GABRG1: variants seen among roughly 807,000 people sequenced by gnomAD.
GABRG1 encodes the protein gamma-aminobutyric acid receptor subunit gamma-1.
In GABRG1, 49 loss-of-function variants were observed where a neutral mutation model predicts 49.8. That is an observed-to-expected ratio of 0.98 (90% confidence interval 0.78 to 1.25). GABRG1 has a LOEUF of 1.25. Ranked by LOEUF, GABRG1 falls within the 50% of genes most tolerant of loss-of-function variation. The pLI, the probability that GABRG1 is intolerant of heterozygous loss-of-function variation, is 0.00. For synonymous variants in GABRG1, 232 were observed against 185.1 expected (o/e 1.25, Z -2.06); for missense variants, 552 against 552.3 (o/e 1.00, Z 0.01).
chr4:46,067,605 T>G (rs867425102), intron 3 of GABRG1, among the ~76,000 whole-genome samples: 2 of 152,218 alleles, frequency 1.3e-5, no homozygotes, highest in Non-Finnish European at 1.5e-5. Context: ...AGGGAGATAA[T>G]TAAAATTTTA....
At chr4:46,060,203 T>A (rs534881482) in intron 5 of GABRG1, among the ~76,000 whole-genome samples, 5 of 152,160 alleles carry the variant, frequency 3.3e-5, no homozygotes, top group Admixed American at 3.3e-4. Context: ...AAGAATCATC[T>A]CACCCTGTAT....
intron 1 of GABRG1, among the ~76,000 whole-genome samples, chr4:46,117,672 G>C (rs1367572375): frequency 2.2e-5 from 3 of 137,472 alleles, no homozygotes; most frequent in Non-Finnish European, 3.1e-5. Flanking sequence ...GTATATAGCT[G>C]TATATATATA....
chr4:46,099,472 T>C (rs1720302985), intron 1 of GABRG1, among the ~76,000 whole-genome samples: 1 of 151,782 alleles, frequency 6.6e-6, no homozygotes. Flanking sequence ...TGGAAGCCAC[T>C]GGGATTTGGA....
intron 8 of GABRG1, 54 bp downstream of exon 8, chr4:46,051,370 G>A: frequency 7.8e-7 from 1 of 1,284,898 alleles, no homozygotes; most frequent in Non-Finnish European, 1.1e-6. Context: ...ATTCAAAAGA[G>A]TATCTCTAAG....
intron 2 of GABRG1, among the ~76,000 whole-genome samples, chr4:46,092,130 G>A (rs1022599009): frequency 2.0e-5 from 3 of 151,912 alleles, no homozygotes; most frequent in Non-Finnish European, 4.4e-5. Context: ...ACTCCATTTC[G>A]AGAGACTTGC....
intron 2 of GABRG1, among the ~76,000 whole-genome samples, chr4:46,090,995 C>T (rs931699155): frequency 6.1e-5 from 9 of 148,042 alleles, no homozygotes; most frequent in Non-Finnish European, 9.0e-5. Context: ...CACACACACA[C>T]GGAATTTAAT....
At chr4:46,102,748 T>A (rs1048628603) in intron 1 of GABRG1, among the ~76,000 whole-genome samples, 5 of 151,662 alleles carry the variant, frequency 3.3e-5, no homozygotes, top group African/African-American at 1.2e-4. Context: ...GAAATTACTG[T>A]ATGTGGGAAA....
rs996331411 is a variant in GABRG1 at position 46,039,059 on chromosome 4, A to G, written c.*1929T>C. The G allele has an allele frequency of 2.6e-5, 4 of 151,728 alleles. No individual in the cohort carries two copies. Among genetic ancestry groups the G allele is most frequent in the Non-Finnish European group, 4.4e-5 (3 of 67,730 alleles). The allele number at this position is 151,728 out of a possible 1,614,324, so 9.4% of individuals were successfully genotyped here. A position where few individuals can be genotyped will look rare whatever the true frequency, so the allele number is the denominator to read the frequency against. On this transcript the variant is annotated 3_prime_UTR_variant, in exon 9 of 9. Coordinates refer to ENST00000295452, the MANE Select transcript of GABRG1 (RefSeq NM_173536.4). ...TCATGATAGTAAGCTATAGCTTCAA[A>G]CATGAAAATAGCCATACAATATTTT...
chr4:46,112,219 C>T (rs1720739018), intron 1 of GABRG1, among the ~76,000 whole-genome samples: 1 of 151,120 alleles, frequency 6.6e-6, no homozygotes, highest in African/African-American at 2.4e-5. Flanking sequence ...TAGAGGTGGC[C>T]AGCAAACATA....
At chr4:46,074,916 A>G (rs889851301) in intron 3 of GABRG1, among the ~76,000 whole-genome samples, 1 of 152,100 alleles carries the variant, frequency 6.6e-6, no homozygotes, top group African/African-American at 2.4e-5. Context: ...AAATTTTGTC[A>G]TAATTCTGAT....
At chr4:46,116,008 AG>A (rs1720873568) in intron 1 of GABRG1, among the ~76,000 whole-genome samples, 1 of 150,834 alleles carries the variant, frequency 6.6e-6, no homozygotes, top group South Asian at 2.1e-4. Flanking sequence ...AAATTTTTGT[AG>A]CTTTTTGATT....
chr4:46,065,747 G>A (rs1577643338), intron 3 of GABRG1, among the ~76,000 whole-genome samples, 163 bp from the exon 4 acceptor site: 1 of 152,016 alleles, frequency 6.6e-6, no homozygotes, highest in East Asian at 1.9e-4. Flanking sequence ...TTTTGAGACA[G>A]AGTCTCGCTC....
At chr4:46,042,124 T>C (rs1304133485) in intron 8 of GABRG1, among the ~76,000 whole-genome samples, 1 of 151,940 alleles carries the variant, frequency 6.6e-6, no homozygotes, top group Non-Finnish European at 1.5e-5. Flanking sequence ...TTAAATGGGA[T>C]GATGGATATA....
At chr4:46,047,351 C>A (rs1217178102) in intron 8 of GABRG1, among the ~76,000 whole-genome samples, 1 of 152,070 alleles carries the variant, frequency 6.6e-6, no homozygotes, top group Non-Finnish European at 1.5e-5. Context: ...TTGAAAACTG[C>A]AACTTTTTCT....
At position 46,058,615 on chromosome 4, in the gene GABRG1, G is replaced by A. The variant is rs568991486; in HGVS notation, c.633C>T (p.Tyr211=). 3 of 1,611,336 alleles carry A rather than the reference G, an allele frequency of 1.9e-6. No individual in the cohort carries two copies. In the African/African-American group the frequency reaches 4.0e-5, roughly 22 times the overall value. The change falls in exon 6 of 9, where the codon TAC becomes TAT. Residue 211 remains tyrosine, a synonymous_variant. Coordinates refer to ENST00000295452, the MANE Select transcript of GABRG1 (RefSeq NM_173536.4). The part of the protein sequence containing the change: ...SCPLEFSSYG[Y]PKNEIEYKWK... The stretch of plus-strand genomic sequence containing the variant: ...ACTTATACTCAATTTCATTTTTAGG[G>A]TATCCATCTATAGAGAAAAAATACA...
chr4:46,038,144 C>A lies in GABRG1; in HGVS notation c.*2844G>T, dbSNP rs1717603919. On this transcript the variant is annotated 3_prime_UTR_variant, in exon 9 of 9. Coordinates refer to ENST00000295452, the MANE Select transcript of GABRG1 (RefSeq NM_173536.4). ...CTAATTCCCACTTACATCAAGACTT[C>A]AGACTTACTGGGAAATTTTTCCCTG... 1 of 151,624 alleles carries A rather than the reference C, an allele frequency of 6.6e-6. No homozygotes were observed. Among genetic ancestry groups the A allele is most frequent in the Non-Finnish European group, 1.5e-5 (1 of 67,688 alleles). 9.4% of individuals were successfully genotyped at this position (151,624 alleles called of 1,614,324 possible).
intron 1 of GABRG1, among the ~76,000 whole-genome samples, chr4:46,103,044 G>A (rs1013257072): frequency 1.3e-5 from 2 of 151,530 alleles, no homozygotes; most frequent in African/African-American, 4.8e-5. Flanking sequence ...ATCACAAAAT[G>A]GCCTACTTTG....
chr4:46,089,654 G>C (rs1427762036), intron 2 of GABRG1, among the ~76,000 whole-genome samples: 1 of 152,012 alleles, frequency 6.6e-6, no homozygotes, highest in African/African-American at 2.4e-5. Flanking sequence ...GAATCTACTT[G>C]TAAAGTTGTT....
intron 1 of GABRG1, among the ~76,000 whole-genome samples, chr4:46,100,900 T>C (rs576862920): frequency 2.0e-5 from 3 of 151,382 alleles, no homozygotes; most frequent in African/African-American, 7.2e-5. Flanking sequence ...GAAATTTCAT[T>C]ATAGGTAATT....
Sources: allele counts gnomAD v4.1 joint callset (sites outside exome capture counted in the v4.1 genomes callset), GRCh38; gene constraint gnomAD v4.1.1; transcripts MANE v1.5; gene names NCBI Gene and HGNC (gene_info 2026-07-23, HGNC 2026-07-21).